The following SH2D4B variants were observed in gnomAD, a reference collection of about 807,000 sequenced individuals.
The protein encoded by SH2D4B is SH2 domain-containing protein 4B.
SH2D4B carries 45 observed loss-of-function variants against 61.5 expected under a neutral mutation model. That is an observed-to-expected ratio of 0.73 (90% confidence interval 0.58 to 0.94). SH2D4B has a LOEUF of 0.94. SH2D4B is among the 40% of genes least tolerant of loss of function. The pLI, the probability that SH2D4B is intolerant of heterozygous loss-of-function variation, is 0.00. For missense variants in SH2D4B, 572 were observed against 574.2 expected, an observed-to-expected ratio of 1.00 and a Z score of 0.04; for synonymous variants, 224 against 220.4, an observed-to-expected ratio of 1.02 and a Z score of -0.14.
intron 1 of SH2D4B, among the ~76,000 whole-genome samples, chr10:80,562,010 G>A (rs1161370012): frequency 6.8e-6 from 1 of 146,640 alleles, no homozygotes; most frequent in Non-Finnish European, 1.5e-5. Flanking sequence ...GTAAAGCAAG[G>A]CCACTCACTC....
chr10:80,634,444 G>A lies in SH2D4B; in HGVS notation c.1148G>A (p.Ser383Asn), dbSNP rs1418457432. Residue 383 changes from serine (S) to asparagine (N), a missense_variant, in exon 7 of 8, where the codon AGC (serine) becomes AAC (asparagine). Coordinates refer to ENST00000646907, the MANE Select transcript of SH2D4B (RefSeq NM_001388272.1). ...FLVDASGDFY[S>N]FLGVDPNRHA... is the part of the protein sequence containing the mutation. ...GTGGATGCTTCTGGGGATTTTTACA[G>A]CTTCCTGGGAGTGGACCCCAATCGC... 2.1e-5 allele frequency: 32 copies of A among 1,550,412 alleles called. No homozygotes were observed. Among genetic ancestry groups the A allele is most frequent in the Non-Finnish European group, 2.5e-5 (29 of 1,146,988 alleles).
At position 80,639,739 on chromosome 10, in the gene SH2D4B, C is replaced by T. The variant is rs569698399; in HGVS notation, c.1210-4254C>T. On this transcript the variant is annotated intron_variant, in intron 7 of 7. Transcript: ENST00000646907. ...TGGGTCTTGATCTTTATCCAATTTG[C>T]CAGTCTGTGTCTTTTAATTGGGGCA... is the stretch of plus-strand genomic sequence containing the variant. Among the ~76,000 whole-genome samples the T allele has an allele frequency of 5.3e-5, 8 of 152,228 alleles. No individual in the cohort carries two copies. The South Asian group carries it at 1.5e-3, about 28-fold the overall frequency.
chr10:80,560,137 G>A (rs536212031), intron 1 of SH2D4B, among the ~76,000 whole-genome samples: 2 of 151,158 alleles, frequency 1.3e-5, no homozygotes, highest in East Asian at 2.0e-4. Flanking sequence ...ACAGGTGCCC[G>A]CCACCTCGCC....
At chr10:80,543,741 C>A (rs1332743188) in intron 1 of SH2D4B, among the ~76,000 whole-genome samples, 1 of 152,184 alleles carries the variant, frequency 6.6e-6, no homozygotes, top group Non-Finnish European at 1.5e-5. Context: ...CACCAATCGG[C>A]ACTCTGTATC....
At chr10:80,594,245 CAT>C (rs1287145806) in intron 4 of SH2D4B, among the ~76,000 whole-genome samples, 1 of 152,090 alleles carries the variant, frequency 6.6e-6, no homozygotes, top group Non-Finnish European at 1.5e-5. Flanking sequence ...TTGAGATGAT[CAT>C]ATGTTTTTTG....
intron 1 of SH2D4B, among the ~76,000 whole-genome samples, chr10:80,551,499 A>G (rs1013243338): frequency 5.9e-5 from 9 of 152,258 alleles, no homozygotes; most frequent in Non-Finnish European, 1.3e-4. Context: ...CTCCAAATCA[A>G]CTAGCAAAAG....
chr10:80,598,598 G>A (rs11186224), intron 4 of SH2D4B, among the ~76,000 whole-genome samples: 17,513 of 152,182 alleles, frequency 0.12, 1,187 homozygotes, highest in East Asian at 0.25. Context: ...CTATGGGGGA[G>A]CAGCAGTTTT....
chr10:80,581,634 G>A (rs998371813), intron 3 of SH2D4B, among the ~76,000 whole-genome samples: 2 of 152,166 alleles, frequency 1.3e-5, no homozygotes, highest in South Asian at 2.1e-4. Flanking sequence ...GCCTCAGCAC[G>A]AAGCCAACCC....
At chr10:80,551,213 C>T (rs1174059767) in intron 1 of SH2D4B, among the ~76,000 whole-genome samples, 1 of 152,056 alleles carries the variant, frequency 6.6e-6, no homozygotes, top group African/African-American at 2.4e-5. Context: ...CCACCATGCC[C>T]GGCTAATATT....
At position 80,539,200 on chromosome 10, in the gene SH2D4B, G is replaced by A. The variant is rs1398526438; in HGVS notation, c.184+685G>A. On this transcript the variant is annotated intron_variant, in intron 1 of 7. Coordinates refer to ENST00000646907, the MANE Select transcript of SH2D4B (RefSeq NM_001388272.1). The surrounding 1 kb of genome is among the most constrained non-coding windows in gnomAD (Gnocchi z 4.9). Reference sequence around the variant, plus strand: ...AATCCTATGGACTGGTACACCTGTGGGTGAAGGAAATCATCCAGGACCCCT... The same window carrying A: ...AATCCTATGGACTGGTACACCTGTGAGTGAAGGAAATCATCCAGGACCCCT... 6.6e-6 allele frequency among the ~76,000 whole-genome samples: 1 copy of A among 152,234 alleles called. No homozygotes were observed. Among genetic ancestry groups the A allele is most frequent in the African/African-American group, 2.4e-5 (1 of 41,470 alleles).
At chr10:80,610,179 AT>A (rs1842579412) in intron 6 of SH2D4B, among the ~76,000 whole-genome samples, 1 of 151,492 alleles carries the variant, frequency 6.6e-6, no homozygotes, top group Admixed American at 6.6e-5. Flanking sequence ...GCACATTCTC[AT>A]TTTCCATCTC....
chr10:80,619,346 G>A (rs551968889), intron 6 of SH2D4B, among the ~76,000 whole-genome samples: 5 of 152,296 alleles, frequency 3.3e-5, no homozygotes, highest in African/African-American at 1.2e-4. Context: ...GGGAGAGAGG[G>A]TAGCTACCCT....
At chr10:80,638,290 G>T (rs184047591) in intron 7 of SH2D4B, among the ~76,000 whole-genome samples, 3 of 152,308 alleles carry the variant, frequency 2.0e-5, no homozygotes, top group Middle Eastern at 3.4e-3. Flanking sequence ...TCAGGATGAC[G>T]TTGGCCTCAT....
intron 3 of SH2D4B, among the ~76,000 whole-genome samples, chr10:80,572,637 T>C (rs923316145): frequency 1.3e-5 from 2 of 152,020 alleles, no homozygotes; most frequent in Non-Finnish European, 2.9e-5. Flanking sequence ...TTTTCTTTTT[T>C]GAGACGGAGT....
chr10:80,554,776 G>A (rs1022092810), intron 1 of SH2D4B, among the ~76,000 whole-genome samples: 2 of 152,200 alleles, frequency 1.3e-5, no homozygotes, highest in Middle Eastern at 3.4e-3. Context: ...TTGGGAGGCC[G>A]AGGCGGGTGG....
rs372823957 is a variant in SH2D4B at position 80,560,189 on chromosome 10, A to G, written c.185-9965A>G. ...TTTTTAGTAGAGACGGGGTTTCACC[A>G]TGTTAGCCAGGATGGTCTCGATCTC... is the stretch of plus-strand genomic sequence containing the variant. On this transcript the variant is annotated intron_variant, in intron 1 of 7. Coordinates refer to ENST00000646907, the MANE Select transcript of SH2D4B (RefSeq NM_001388272.1). Among the ~76,000 whole-genome samples, 22 of 151,624 alleles carry G rather than the reference A, an allele frequency of 1.5e-4. No homozygotes were observed. The East Asian group carries it at 3.1e-3, about 21-fold the overall frequency.
At chr10:80,571,792 G>C (rs74399901) in intron 3 of SH2D4B, among the ~76,000 whole-genome samples, 2 of 68,784 alleles carry the variant, frequency 2.9e-5, no homozygotes, top group Non-Finnish European at 6.0e-5. Context: ...TTTTTTTTTT[G>C]AGACGGAGTC....
rs986924117 is a variant in SH2D4B, at chr10:80,634,514, C to T, written c.1209+9C>T. 9 of 1,548,180 alleles carry T rather than the reference C, an allele frequency of 5.8e-6. No homozygotes were observed. The African/African-American group carries it at 9.6e-5, about 17-fold the overall frequency. ...TCGTTGATTTCCATAAGGTATCCCT[C>T]ACAGGGATACTAATGGGGGGGAGGG... is the stretch of plus-strand genomic sequence containing the variant. On this transcript the variant is annotated intron_variant, in intron 7 of 7. Coordinates refer to ENST00000646907, the MANE Select transcript of SH2D4B (RefSeq NM_001388272.1).
intron 7 of SH2D4B, among the ~76,000 whole-genome samples, chr10:80,639,456 T>C (rs1367401217): frequency 6.6e-6 from 1 of 151,896 alleles, no homozygotes; most frequent in Non-Finnish European, 1.5e-5. Context: ...TTGCTTTATC[T>C]GGGTGCTCCT....
Sources: gnomAD v4.1 joint callset for allele counts (sites outside exome capture counted in the v4.1 genomes callset) on GRCh38, gnomAD v4.1.1 for gene constraint, Gnocchi (gnomAD v3.1) non-coding constraint, MANE v1.5 for transcripts, NCBI Gene and HGNC (gene_info 2026-07-23, HGNC 2026-07-21) for gene names.